Variants in SLA2 observed in about 807,000 individuals in gnomAD.
SLA2 encodes src-like-adapter 2.
Under a neutral mutation model 27.3 loss-of-function variants are expected in SLA2, and 22 were observed. That is an observed-to-expected ratio of 0.81 (90% confidence interval 0.58 to 1.15). SLA2 has a LOEUF of 1.15. Ranked by LOEUF, SLA2 falls within the 50% of genes most tolerant of loss-of-function variation. The pLI, the probability that SLA2 is intolerant of heterozygous loss-of-function variation, is 0.00. For synonymous variants in SLA2, 131 were observed against 137.8 expected, an observed-to-expected ratio of 0.95 and a Z score of 0.34; for missense variants, 304 against 322.2, an observed-to-expected ratio of 0.94 and a Z score of 0.43.
intron 1 of SLA2, among the ~76,000 whole-genome samples, chr20:36,645,440 T>C (rs1339036546): frequency 2.6e-5 from 4 of 152,046 alleles, no homozygotes; most frequent in Admixed American, 2.6e-4. Context: ...TATCACCCCT[T>C]TGAGAGTGAG....
rs781539863 is a variant in SLA2, at chr20:36,633,462, G to C, written c.278+81C>G. ...TCCCCCATCCCCAGCTTTGCTCAGC[G>C]CAGAGCCGTGCACAAAGGGGAGTTC... is the stretch of plus-strand genomic sequence containing the variant. On this transcript the variant is annotated intron_variant, in intron 4 of 7. Transcript: ENST00000262866. 12 of 1,232,016 alleles carry C rather than the reference G, an allele frequency of 9.7e-6. No individual in the cohort carries two copies. In the East Asian group the frequency reaches 2.8e-4, roughly 29 times the overall value. The allele number at this position is 1,232,016 out of a possible 1,614,324, so 76.3% of individuals were successfully genotyped here. A position where few individuals can be genotyped will look rare whatever the true frequency, so the allele number is the denominator to read the frequency against.
Position 36,615,191 on chromosome 20 carries a change from C to G in SLA2, c.532+34G>C, listed in dbSNP as rs1316353229. 1.9e-6 allele frequency: 3 copies of G among 1,613,570 alleles called. No individual in the cohort carries two copies. The Admixed American group carries it at 5.0e-5, about 27-fold the overall frequency. On this transcript the variant is annotated intron_variant, in intron 6 of 7. Coordinates refer to ENST00000262866, the MANE Select transcript of SLA2 (RefSeq NM_032214.4). ...TGCCTGCTCCTCCCCACAGACTATC[C>G]CAGCCTAGTCCTGGAGGCAGGGAAA...
intron 3 of SLA2, 103 bp downstream of exon 3, chr20:36,634,387 G>C: frequency 1.2e-6 from 1 of 839,658 alleles, no homozygotes; most frequent in Non-Finnish European, 1.9e-6. Context: ...GAGCTCCAGC[G>C]ATTCTCCCAC....
chr20:36,626,128 T>TCA (rs2039334731), intron 5 of SLA2, among the ~76,000 whole-genome samples: 1 of 152,050 alleles, frequency 6.6e-6, no homozygotes, highest in South Asian at 2.1e-4. Context: ...GCGCAGTGGC[T>TCA]CATGCCTGTA....
chr20:36,614,107 C>T (rs1284806559), intron 7 of SLA2, 121 bp from the exon 8 acceptor site: 2 of 1,496,830 alleles, frequency 1.3e-6, no homozygotes, highest in African/African-American at 1.4e-5. Context: ...TGGGGCTCCC[C>T]TGTTCCCTAT....
chr20:36,621,188 G>A, intron 5 of SLA2: 1 of 476,764 alleles, frequency 2.1e-6, no homozygotes, highest in South Asian at 1.7e-5. Flanking sequence ...CAAGGTGGTG[G>A]ATATGGTGGC....
chr20:36,633,685 C>T, intron 3 of SLA2, 56 bp from the exon 4 acceptor site: 1 of 1,464,996 alleles, frequency 6.8e-7, no homozygotes, highest in Non-Finnish European at 9.6e-7. Context: ...GCCCCGACAA[C>T]CACACATTCA....
At chr20:36,635,492 C>T (rs1425294302) in intron 2 of SLA2, among the ~76,000 whole-genome samples, 2 of 151,616 alleles carry the variant, frequency 1.3e-5, no homozygotes, top group African/African-American at 2.4e-5. Flanking sequence ...TGGGTGGCGG[C>T]ACCGTGTGGG....
intron 5 of SLA2, among the ~76,000 whole-genome samples, chr20:36,626,099 T>TA (rs1237769530): frequency 6.7e-6 from 1 of 149,260 alleles, no homozygotes; most frequent in African/African-American, 2.5e-5. Context: ...ACCCTGACTT[T>TA]AAAAAAAAAT....
chr20:36,614,902 A>G (rs1426555994), intron 6 of SLA2: 1 of 985,376 alleles, frequency 1.0e-6, no homozygotes, highest in East Asian at 1.1e-4. Context: ...TCAGGATTGA[A>G]TCCCACACAG....
At chr20:36,641,100 T>C in intron 2 of SLA2, 145 bp downstream of exon 2, 1 of 652,500 alleles carries the variant, frequency 1.5e-6, no homozygotes, top group South Asian at 1.8e-5. Context: ...CCCTGCTGTA[T>C]GGCTCAGTAG....
intron 4 of SLA2, 57 bp from the exon 5 acceptor site, chr20:36,632,755 C>T: frequency 1.4e-6 from 2 of 1,448,406 alleles, no homozygotes; most frequent in African/African-American, 1.4e-5. Flanking sequence ...AAGAGGGAAG[C>T]CAAGATTTTA....
chr20:36,636,356 G>A (rs1285047779), intron 2 of SLA2, among the ~76,000 whole-genome samples: 2 of 148,026 alleles, frequency 1.4e-5, no homozygotes, highest in Non-Finnish European at 3.0e-5. Context: ...GGGAAGCGGA[G>A]CTTGCAGTGA....
chr20:36,627,214 AG>A (rs2039348504), intron 5 of SLA2, among the ~76,000 whole-genome samples: 1 of 152,176 alleles, frequency 6.6e-6, no homozygotes. Context: ...AGCCTAGAGG[AG>A]GACCCACCAG....
At chr20:36,618,550 G>T (rs1314366777) in intron 5 of SLA2, among the ~76,000 whole-genome samples, 3 of 151,800 alleles carry the variant, frequency 2.0e-5, no homozygotes, top group Non-Finnish European at 4.4e-5. Flanking sequence ...AATTTAAAAG[G>T]ATTGAAATCA....
rs151195113 is a variant in SLA2 at position 36,634,261 on chromosome 20, C to A, written c.191+229G>T. ...TCAGCCTCCCAAAGTGCTGGGATTA[C>A]AGGTGTGAGCTACCACGCCTGGCCC... On this transcript the variant is annotated intron_variant, in intron 3 of 7. Transcript: ENST00000262866. 4.4e-3 allele frequency among the ~76,000 whole-genome samples: 673 copies of A among 152,274 alleles called. 4 individuals are homozygous for A. The highest frequency in any genetic ancestry group is 0.014 in the African/African-American group (592 of 41,540).
At chr20:36,643,259 A>G (rs1978285077) in intron 1 of SLA2, among the ~76,000 whole-genome samples, 1 of 152,136 alleles carries the variant, frequency 6.6e-6, no homozygotes, top group South Asian at 2.1e-4. Context: ...TCCAAACACT[A>G]TTTTAAAGTG....
rs2039173543 is a variant in SLA2, at chr20:36,613,981, A to T, written c.671T>A (p.Leu224His). ...CCCTGTGGCAGCTTCAGAAAACAGGAGGGAGCTGTGGACAAAGGAAGATAA... is the reference window on the plus strand; with the variant it reads ...CCCTGTGGCAGCTTCAGAAAACAGGTGGGAGCTGTGGACAAAGGAAGATAA... ...PLNWKELDSS[L>H]LFSEAATGEE... Residue 224 changes from leucine to histidine, a missense_variant, in exon 8 of 8, where the codon CTC (leucine) becomes CAC (histidine). Physicochemically the swap from Leu to His is moderately conservative, Grantham distance 99. Coordinates refer to ENST00000262866, the MANE Select transcript of SLA2 (RefSeq NM_032214.4). The T allele has an allele frequency of 6.2e-7, 1 of 1,613,898 alleles. No homozygotes were observed. Among genetic ancestry groups the T allele is most frequent in the South Asian group, 1.1e-5 (1 of 91,084 alleles).
intron 6 of SLA2, 99 bp from the exon 7 acceptor site, chr20:36,614,536 A>G (rs1350391888): frequency 1.9e-5 from 28 of 1,499,640 alleles, no homozygotes; most frequent in Non-Finnish European, 2.5e-5. Flanking sequence ...AGGAGGGGGC[A>G]TGGTTACCAA....
Sources: gnomAD v4.1 joint callset for allele counts (sites outside exome capture counted in the v4.1 genomes callset) on GRCh38, gnomAD v4.1.1 for gene constraint, MANE v1.5 for transcripts, NCBI Gene and HGNC (gene_info 2026-07-23, HGNC 2026-07-21) for gene names.